The following ATP8B3 variants were observed in gnomAD, a reference collection of about 807,000 sequenced individuals.
The protein encoded by ATP8B3 is ATPase phospholipid transporting 8B3.
ATP8B3 carries 141 observed loss-of-function variants against 140.9 expected under a neutral mutation model. That is an observed-to-expected ratio of 1.00 (90% CI 0.87 to 1.15). The LOEUF is 1.15. Among genes scored for constraint, ATP8B3 ranks in the 50% most tolerant of loss-of-function variants. ATP8B3 has a pLI of 0.00. For synonymous variants in ATP8B3, 765 were observed against 714.6 expected (o/e 1.07, Z -1.13); for missense variants, 1,874 against 1,740.6 (o/e 1.08, Z -1.36).
At position 1,788,925 on chromosome 19, in the gene ATP8B3, A is replaced by C. The variant is rs2068390267; in HGVS notation, c.3041T>G (p.Phe1014Cys). Reference protein sequence around the residue: ...SMASMMVQVWFACYNGFTGQP... With the variant: ...SMASMMVQVWCACYNGFTGQP... ...GCCGGTGAAGCCGTTGTAGCAGGCAAACCAGACCTGCACCATCATGCTGGC... is the reference window on the plus strand; with the variant it reads ...GCCGGTGAAGCCGTTGTAGCAGGCACACCAGACCTGCACCATCATGCTGGC... The change falls in exon 24 of 29, where the codon TTT becomes TGT. Residue 1014 changes from phenylalanine to cysteine, a missense_variant. Coordinates refer to ENST00000310127, the MANE Select transcript of ATP8B3 (RefSeq NM_138813.4). 6.2e-7 allele frequency: 1 copy of C among 1,603,304 alleles called. No individual in the cohort carries two copies.
intron 18 of ATP8B3, among the ~76,000 whole-genome samples, chr19:1,793,980 G>A (rs6510625): frequency 3.3e-5 from 5 of 151,930 alleles, no homozygotes; most frequent in Non-Finnish European, 5.9e-5. Flanking sequence ...GACCTCAAAT[G>A]ATCTGCCCGC....
intron 14 of ATP8B3, among the ~76,000 whole-genome samples, chr19:1,797,492 A>AT (rs1036787502): frequency 1.3e-5 from 2 of 148,854 alleles, no homozygotes; most frequent in African/African-American, 4.9e-5. Flanking sequence ...TTATTTATTT[A>AT]TTTATTTATT....
chr19:1,811,663 G>A lies in ATP8B3; in HGVS notation c.74C>T (p.Pro25Leu), dbSNP rs1248259975. 1.9e-6 allele frequency: 3 copies of A among 1,610,238 alleles called. No individual in the cohort carries two copies. Among genetic ancestry groups the A allele is most frequent in the Non-Finnish European group, 1.7e-6 (2 of 1,179,740 alleles). The change falls in exon 2 of 29, where the codon CCT becomes CTT. Residue 25 changes from proline to leucine, a missense_variant. Physicochemically the swap from Pro to Leu is moderately conservative, Grantham distance 98. Around this residue, in one of 3 missense-constraint regions of ATP8B3, gnomAD observed 1,032 missense variants for 963.6 expected, o/e 1.07. Transcript: ENST00000310127. ...CACGTCTGAGTCACCCGTGTCCCCA[G>A]GTCCTGGTGGGGCAGGGCTTGGCTC... is the stretch of plus-strand genomic sequence containing the variant. ...GPEPSPAPPG[P>L]GDTGDSDVTQ...
chr19:1,787,305 G>A (rs1385176099), intron 24 of ATP8B3, 119 bp from the exon 25 acceptor site: 2 of 726,942 alleles, frequency 2.8e-6, no homozygotes, highest in African/African-American at 1.8e-5. Context: ...TACACTCAAG[G>A]TTGGGGCTGG....
Position 1,790,761 on chromosome 19 carries a change from TCTC to T in ATP8B3, c.2371_2373del (p.Glu791del), listed in dbSNP as rs767941349. On this transcript the variant is annotated inframe_deletion, in exon 21 of 29. Coordinates refer to ENST00000310127, the MANE Select transcript of ATP8B3 (RefSeq NM_138813.4). ...CCCCAACTCCCCACTTCTTACCTAA[TCTC>T]CTTCTCCTCCAGAATGAGCATATTC... The T allele has an allele frequency of 2.4e-5, 37 of 1,528,752 alleles. No homozygotes were observed. The highest frequency in any genetic ancestry group is 3.5e-4 in the Middle Eastern group (2 of 5,692). The allele number at this position is 1,528,752 out of a possible 1,614,324, so 94.7% of individuals were successfully genotyped here.
chr19:1,796,294 C>T (rs1425290055), intron 16 of ATP8B3, 29 bp from the exon 17 acceptor site: 5 of 1,570,800 alleles, frequency 3.2e-6, no homozygotes, highest in Non-Finnish European at 4.3e-6. Context: ...ATTTTGGGGT[C>T]ACGTGGTGGA....
intron 1 of ATP8B3, 67 bp from the exon 2 acceptor site, chr19:1,811,951 T>A (rs1463014529): frequency 3.4e-6 from 2 of 581,770 alleles, no homozygotes; most frequent in Non-Finnish European, 5.9e-6. Context: ...GGATGCCCCA[T>A]TACTCGGAAG....
Position 1,792,129 on chromosome 19 carries a change from C to G in ATP8B3, c.2062G>C (p.Ala688Pro). The change falls in exon 19 of 29, where the codon GCC (alanine) becomes CCC (proline). Residue 688 changes from alanine to proline, a missense_variant. Around this residue, in one of 3 missense-constraint regions of ATP8B3, gnomAD observed 1,032 missense variants for 963.6 expected, o/e 1.07. Transcript: ENST00000310127. ...CACAGTGTCCGCAGGGTCTCCTGGG[C>G]AAAGGCCTGGGGGCCGGGCAGGTGG... is the stretch of plus-strand genomic sequence containing the variant. ...FATEEALAAF[A>P]QETLRTLCLA... 6.3e-7 allele frequency: 1 copy of G among 1,576,484 alleles called. No homozygotes were observed. Among genetic ancestry groups the G allele is most frequent in the Non-Finnish European group, 8.6e-7 (1 of 1,168,336 alleles).
At chr19:1,785,410 G>A (rs1684090469) in intron 26 of ATP8B3, 59 bp downstream of exon 26, 3 of 1,584,032 alleles carry the variant, frequency 1.9e-6, no homozygotes, top group African/African-American at 2.7e-5. Context: ...GGGGTCCCCA[G>A]GGGAGGAGGC....
rs1178306635 is a variant in ATP8B3 at position 1,800,714 on chromosome 19, G to A, written c.1153-265C>T. On this transcript the variant is annotated intron_variant, in intron 12 of 28. Transcript: ENST00000310127. The surrounding 1 kb of genome is among the most constrained non-coding windows in gnomAD (Gnocchi z 4.4). ...GTGGCGCACACCTGTAGTCTCAGCTGCTCAGAAGGCTGAGGCCGAGGATCG... is the reference window on the plus strand; with the variant it reads ...GTGGCGCACACCTGTAGTCTCAGCTACTCAGAAGGCTGAGGCCGAGGATCG... Among the ~76,000 whole-genome samples, 1 of 152,160 alleles carries A rather than the reference G, an allele frequency of 6.6e-6. No individual in the cohort carries two copies. The highest frequency in any genetic ancestry group is 6.5e-5 in the Admixed American group (1 of 15,276).
rs757340067 is a variant in ATP8B3, at chr19:1,783,214, A to C, written c.3717T>G (p.Pro1239=). 15 of 1,612,172 alleles carry C rather than the reference A, an allele frequency of 9.3e-6. No homozygotes were observed. Among genetic ancestry groups the C allele is most frequent in the African/African-American group, 1.3e-5 (1 of 74,804 alleles). ...GGGCACGAGACTCCCGGTGTACATG[A>C]GGCAAGGGCTCCATGGTGAAAATCT... ...SEEIFTMEPL[P]HVHRESRARR... Residue 1239 remains proline, a synonymous_variant, in exon 29 of 29, where the codon CCT becomes CCG. Transcript: ENST00000310127.
intron 20 of ATP8B3, 108 bp from the exon 21 acceptor site, chr19:1,790,940 T>C (rs914517794): frequency 2.5e-6 from 2 of 816,110 alleles, no homozygotes; most frequent in African/African-American, 1.8e-5. Flanking sequence ...GGCAGCCACA[T>C]GCCCCACCCC....
In ATP8B3 at chr19:1,811,582, G is replaced by C. The variant is rs1337685942; in HGVS notation, c.155C>G (p.Ala52Gly). Reference protein sequence around the residue: ...GIRGGETVIRAGMGDSPGRGA... With the variant: ...GIRGGETVIRGGMGDSPGRGA... ...TCTGCCTGGGGAGTCTCCCATCCCA[G>C]CTCTGATCACCGTCTCACCTCCGCG... The change falls in exon 2 of 29, where the codon GCT becomes GGT. Residue 52 changes from alanine to glycine, a missense_variant. Physicochemically the swap from Ala to Gly is moderately conservative, Grantham distance 60. Around this residue, in one of 3 missense-constraint regions of ATP8B3, gnomAD observed 1,032 missense variants for 963.6 expected, o/e 1.07. Coordinates refer to ENST00000310127, the MANE Select transcript of ATP8B3 (RefSeq NM_138813.4). The C allele has an allele frequency of 6.2e-7, 1 of 1,612,126 alleles. No homozygotes were observed.
chr19:1,784,635 G>A (rs1297555686), intron 28 of ATP8B3, among the ~76,000 whole-genome samples, 184 bp downstream of exon 28: 1 of 152,206 alleles, frequency 6.6e-6, no homozygotes, highest in Non-Finnish European at 1.5e-5. Context: ...TCCCTTCTTG[G>A]GAAATCGGGC....
intron 14 of ATP8B3, 54 bp downstream of exon 14, chr19:1,799,893 T>C: frequency 3.3e-6 from 5 of 1,508,466 alleles, no homozygotes; most frequent in Non-Finnish European, 4.5e-6. Flanking sequence ...TCAGGCACCC[T>C]GAGCCCCTTG....
rs200797102 is a variant in ATP8B3 at position 1,800,829 on chromosome 19, T to A, written c.1153-380A>T. On this transcript the variant is annotated intron_variant, in intron 12 of 28. Coordinates refer to ENST00000310127, the MANE Select transcript of ATP8B3 (RefSeq NM_138813.4). The surrounding 1 kb of genome is among the most constrained non-coding windows in gnomAD (Gnocchi z 4.4). ...TGAGATAGAAAAACTTTTTTTTTTT[T>A]AATTTTTTTTTTTTTTTGAGACAGA... Among the ~76,000 whole-genome samples, 206 of 141,486 alleles carry A rather than the reference T, an allele frequency of 1.5e-3. 1 individual carries two copies. The highest frequency in any genetic ancestry group is 3.3e-3 in the East Asian group (15 of 4,586). The allele number at this position is 141,486 out of a possible 152,430, so 92.8% of individuals were successfully genotyped here.
At chr19:1,786,917 G>A (rs1458671389) in intron 25 of ATP8B3, among the ~76,000 whole-genome samples, 186 bp downstream of exon 25, 1 of 152,238 alleles carries the variant, frequency 6.6e-6, no homozygotes, top group Non-Finnish European at 1.5e-5. Context: ...GCCCCGGGAT[G>A]AGCGTAGGCT....
chr19:1,804,252 G>T (rs950854507), intron 10 of ATP8B3, among the ~76,000 whole-genome samples: 58 of 152,264 alleles, frequency 3.8e-4, no homozygotes, highest in African/African-American at 1.3e-3. Flanking sequence ...CCAGAACTTT[G>T]TGAGGCCAAG....
intron 18 of ATP8B3, among the ~76,000 whole-genome samples, chr19:1,792,373 A>G (rs2145182817): frequency 6.6e-6 from 1 of 152,058 alleles, no homozygotes; most frequent in Non-Finnish European, 1.5e-5. Flanking sequence ...TGAGGCCAGG[A>G]GTTTGAGACC....
Sources: gnomAD v4.1 joint callset for allele counts (sites outside exome capture counted in the v4.1 genomes callset) on GRCh38, gnomAD v4.1.1 for gene constraint, gnomAD v4.1.1 regional missense constraint, Gnocchi (gnomAD v3.1) non-coding constraint, MANE v1.5 for transcripts, NCBI Gene and HGNC (gene_info 2026-07-23, HGNC 2026-07-21) for gene names.